The following FBXL13 variants were observed in gnomAD, a reference collection of about 807,000 sequenced individuals.
The protein encoded by FBXL13 is F-box and leucine rich repeat protein 13, also known as F-box and leucine-rich repeat protein 13.
Under a neutral mutation model 83.6 loss-of-function variants are expected in FBXL13, and 67 were observed. The ratio of observed to expected loss-of-function variants is 0.80; its 90% CI spans 0.66 to 0.98. FBXL13 has a LOEUF of 0.98. FBXL13 is among the 50% of genes least tolerant of loss of function. FBXL13 has a pLI of 0.00. For missense variants in FBXL13, 822 were observed against 866.5 expected, an observed-to-expected ratio of 0.95 and a Z score of 0.64; for synonymous variants, 272 against 299.5, an observed-to-expected ratio of 0.91 and a Z score of 0.95.
At chr7:103,021,220 C>T (rs1424001637) in intron 6 of FBXL13, among the ~76,000 whole-genome samples, 1 of 152,058 alleles carries the variant, frequency 6.6e-6, no homozygotes, top group Non-Finnish European at 1.5e-5. Context: ...CTGACAAAAA[C>T]AAGAAATGGG....
At chr7:102,933,677 TAGA>T in intron 8 of FBXL13, 1 of 327,262 alleles carries the variant, frequency 3.1e-6, no homozygotes, top group Non-Finnish European at 5.6e-6. Flanking sequence ...TCTGTGGAAC[TAGA>T]AGGCCTTTGC....
At position 102,973,767 on chromosome 7, in the gene FBXL13, T is replaced by TC. The variant is rs754053678; in HGVS notation, c.496-5651_496-5650insG. 2.2e-4 allele frequency: 169 copies of TC among 764,772 alleles called. 1 individual carries two copies. The African/African-American group carries it at 2.6e-3, about 12-fold the overall frequency. The allele number at this position is 764,772 out of a possible 1,614,324, so 47.4% of individuals were successfully genotyped here. ...ATGCACATCAGTCACTGATCTCACCTACTGGTAAGTTTCCCGGGAGCCCGG... is the reference window on the plus strand; with the variant it reads ...ATGCACATCAGTCACTGATCTCACCTCACTGGTAAGTTTCCCGGGAGCCCGG... On this transcript the variant is annotated intron_variant, in intron 6 of 19. Coordinates refer to ENST00000313221, the Ensembl canonical transcript of FBXL13.
intron 11 of FBXL13, among the ~76,000 whole-genome samples, chr7:102,911,659 T>C (rs1476034733): frequency 6.6e-6 from 1 of 152,188 alleles, no homozygotes; most frequent in Non-Finnish European, 1.5e-5. Flanking sequence ...TAAAAAGACA[T>C]CTCAAAGTAG....
intron 6 of FBXL13, among the ~76,000 whole-genome samples, chr7:103,006,057 T>C (rs547201246): frequency 3.3e-5 from 5 of 152,310 alleles, no homozygotes; most frequent in Admixed American, 2.6e-4. Flanking sequence ...CAGCACAGTA[T>C]TGTGATCTCC....
intron 6 of FBXL13, among the ~76,000 whole-genome samples, chr7:102,986,295 G>A (rs1828941364): frequency 1.3e-5 from 2 of 152,150 alleles, no homozygotes; most frequent in African/African-American, 2.4e-5. Context: ...TGGTGTGTGG[G>A]GATGGGGAGG....
chr7:103,029,429 TA>T lies in FBXL13; in HGVS notation c.1-12del. ...CAATTCCGGAGTCATCTAAAGTAAA[TA>T]AATAATTGAAATAACAAATATTAGA... On this transcript the variant is annotated splice_polypyrimidine_tract_variant and intron_variant, in intron 2 of 19. Coordinates refer to ENST00000313221, the Ensembl canonical transcript of FBXL13. 1 of 1,415,942 alleles carries T rather than the reference TA, an allele frequency of 7.1e-7. No individual in the cohort carries two copies. The allele number at this position is 1,415,942 out of a possible 1,614,324, so 87.7% of individuals were successfully genotyped here.
Position 102,976,223 on chromosome 7 carries a change from G to A in FBXL13, c.496-8106C>T, listed in dbSNP as rs565407918. 61 of 749,330 alleles carry A rather than the reference G, an allele frequency of 8.1e-5. 2 individuals are homozygous for A. Among genetic ancestry groups the A allele is most frequent in the South Asian group, 7.3e-4 (54 of 73,680 alleles). 46.4% of individuals were successfully genotyped at this position (749,330 alleles called of 1,614,324 possible). ...CATCTGAGCCAAGGGTAACCCTGAT[G>A]GTGGCAGGTAGGCCAGTATGTTTTT... is the stretch of plus-strand genomic sequence containing the variant. On this transcript the variant is annotated intron_variant, in intron 6 of 19. Transcript: ENST00000313221.
chr7:102,923,638 T>C (rs1452556081), intron 10 of FBXL13, among the ~76,000 whole-genome samples: 2 of 151,202 alleles, frequency 1.3e-5, no homozygotes, highest in East Asian at 2.0e-4. Context: ...CTGACCAATA[T>C]GGTGAAACCC....
chr7:103,043,859 A>C (rs974630844), intron 2 of FBXL13, among the ~76,000 whole-genome samples: 10 of 152,230 alleles, frequency 6.6e-5, no homozygotes, highest in African/African-American at 1.9e-4. Flanking sequence ...TAATCTTCTT[A>C]AACTGCATTC....
At chr7:103,038,765 T>C (rs1011541472) in intron 2 of FBXL13, among the ~76,000 whole-genome samples, 3 of 152,204 alleles carry the variant, frequency 2.0e-5, no homozygotes, top group African/African-American at 7.2e-5. Flanking sequence ...CAGAAAGGAA[T>C]ATCATGAACA....
intron 6 of FBXL13, among the ~76,000 whole-genome samples, chr7:103,012,392 AG>A (rs1313550276): frequency 6.6e-6 from 1 of 151,492 alleles, no homozygotes; most frequent in Non-Finnish European, 1.5e-5. Context: ...AAAAAAAAAA[AG>A]GACAGCTAGA....
chr7:102,870,555 A>G (rs560428412), intron 16 of FBXL13, among the ~76,000 whole-genome samples: 65 of 152,344 alleles, frequency 4.3e-4, no homozygotes, highest in African/African-American at 1.5e-3. Context: ...CTACCCAGGC[A>G]CATGAAGAAC....
Position 102,842,133 on chromosome 7 carries a change from C to G in FBXL13, c.1720-9159G>C, listed in dbSNP as rs1314497786. Among the ~76,000 whole-genome samples, 5 of 152,174 alleles carry G rather than the reference C, an allele frequency of 3.3e-5. No homozygotes were observed. The South Asian group carries it at 6.2e-4, about 19-fold the overall frequency. ...GCAATATGGTCAAGAGACAAAAGAT[C>G]CAAATGTCCGGACGTTCCACCTCCC... On this transcript the variant is annotated intron_variant, in intron 17 of 19. Transcript: ENST00000313221.
chr7:103,003,960 T>A (rs111590691), intron 6 of FBXL13, among the ~76,000 whole-genome samples: 9 of 152,362 alleles, frequency 5.9e-5, no homozygotes, highest in African/African-American at 2.2e-4. Flanking sequence ...TGCTTTTGTG[T>A]GTTATCTTGG....
chr7:102,951,256 TAGG>T (rs1340228831), intron 8 of FBXL13, among the ~76,000 whole-genome samples: 2 of 151,322 alleles, frequency 1.3e-5, no homozygotes, highest in Admixed American at 6.6e-5. Flanking sequence ...CACCTGAGGT[TAGG>T]AGATCAAGAC....
chr7:103,024,013 T>C lies in FBXL13; in HGVS notation c.495+1050A>G, dbSNP rs567664674. Among the ~76,000 whole-genome samples the C allele has an allele frequency of 1.6e-4, 24 of 152,154 alleles. No individual in the cohort carries two copies. The East Asian group carries it at 4.5e-3, about 28-fold the overall frequency. On this transcript the variant is annotated intron_variant, in intron 6 of 19. Coordinates refer to ENST00000313221, the Ensembl canonical transcript of FBXL13. ...GAGGATGGTGAGGATTGGAGAAGTATCTATTGAATGCTAGGCTTATAACCT... is the reference window on the plus strand; with the variant it reads ...GAGGATGGTGAGGATTGGAGAAGTACCTATTGAATGCTAGGCTTATAACCT...
chr7:103,056,634 T>C (rs1029281466), intron 1 of FBXL13, among the ~76,000 whole-genome samples: 1 of 152,074 alleles, frequency 6.6e-6, no homozygotes, highest in Non-Finnish European at 1.5e-5. Flanking sequence ...ATTTTTCTAT[T>C]TGTAGTAGAG....
intron 17 of FBXL13, among the ~76,000 whole-genome samples, chr7:102,853,224 C>T (rs1412995819): frequency 6.6e-6 from 1 of 152,078 alleles, no homozygotes; most frequent in Non-Finnish European, 1.5e-5. Context: ...GAGTACAGTA[C>T]AGTGTACACT....
chr7:102,969,664 T>C (rs1413337038), intron 6 of FBXL13, among the ~76,000 whole-genome samples: 1 of 150,836 alleles, frequency 6.6e-6, no homozygotes, highest in South Asian at 2.1e-4. Context: ...CAAAAATTAT[T>C]GCACACGTCT....
Sources: allele counts gnomAD v4.1 joint callset (sites outside exome capture counted in the v4.1 genomes callset), GRCh38; gene constraint gnomAD v4.1.1; transcripts MANE v1.5; gene names NCBI Gene and HGNC (gene_info 2026-07-23, HGNC 2026-07-21).